The following TFPI variants were observed in gnomAD, a reference collection of about 807,000 sequenced individuals.
TFPI encodes the protein anti-convertin.
TFPI carries 15 observed loss-of-function variants against 34.6 expected under a neutral mutation model. The ratio of observed to expected loss-of-function variants is 0.43; its 90% confidence interval spans 0.29 to 0.67. The LOEUF is 0.67. TFPI is among the 30% of genes least tolerant of loss of function. The pLI, the probability that TFPI is intolerant of heterozygous loss-of-function variation, is 0.15. For missense variants in TFPI, 301 were observed against 364.0 expected (o/e 0.83, Z 1.41); for synonymous variants, 105 against 120.1 (o/e 0.87, Z 0.82).
At chr2:187,550,783 G>T (rs1689068474) in intron 1 of TFPI, among the ~76,000 whole-genome samples, 1 of 151,964 alleles carries the variant, frequency 6.6e-6, no homozygotes, top group Admixed American at 6.6e-5. Context: ...TTCCTAAATG[G>T]ACTTTAAAAT....
intron 6 of TFPI, among the ~76,000 whole-genome samples, chr2:187,469,580 T>G (rs1574359471): frequency 6.6e-6 from 1 of 152,150 alleles, no homozygotes; most frequent in African/African-American, 2.4e-5. Flanking sequence ...ACCCATCTTC[T>G]CACAGTTACA....
chr2:187,466,809 T>C lies in TFPI; in HGVS notation c.*127A>G. 1 of 525,816 alleles carries C rather than the reference T, an allele frequency of 1.9e-6. No individual in the cohort carries two copies. Among genetic ancestry groups the C allele is most frequent in the South Asian group, 2.5e-5 (1 of 39,578 alleles). The allele number at this position is 525,816 out of a possible 1,614,324, so 32.6% of individuals were successfully genotyped here. ...CTGATACAAACGTGTTGATAACAAG[T>C]ACAATAAGCATAGAAAATTTAATGA... is the stretch of plus-strand genomic sequence containing the variant. On this transcript the variant is annotated 3_prime_UTR_variant, in exon 8 of 8. Coordinates refer to ENST00000233156, the MANE Select transcript of TFPI (RefSeq NM_006287.6).
chr2:187,490,694 G>A (rs8176493), intron 3 of TFPI, among the ~76,000 whole-genome samples: 1,648 of 151,512 alleles, frequency 0.011, 27 homozygotes, highest in African/African-American at 0.038. Context: ...TTTAACTGGC[G>A]TGACTGGACC....
At chr2:187,492,044 G>T (rs1426879209) in intron 3 of TFPI, among the ~76,000 whole-genome samples, 1 of 151,880 alleles carries the variant, frequency 6.6e-6, no homozygotes, top group Non-Finnish European at 1.5e-5. Context: ...TTTTTAAATG[G>T]TTTGTTATTT....
chr2:187,523,152 T>A (rs1032143409), intron 1 of TFPI, among the ~76,000 whole-genome samples: 12 of 152,054 alleles, frequency 7.9e-5, no homozygotes, highest in Non-Finnish European at 1.2e-4. Flanking sequence ...TGATTATATC[T>A]CAATGAAGTT....
intron 2 of TFPI, among the ~76,000 whole-genome samples, chr2:187,498,704 TA>T (rs1171021212): frequency 3.9e-5 from 6 of 151,950 alleles, no homozygotes; most frequent in Non-Finnish European, 8.8e-5. Flanking sequence ...GTTAATTGAT[TA>T]TTTTTTTCAA....
intron 1 of TFPI, chr2:187,514,796 T>C (rs1195984002): frequency 1.3e-5 from 2 of 152,230 alleles, no homozygotes; most frequent in African/African-American, 4.8e-5. Flanking sequence ...AACTCTCACA[T>C]CTATTTAGAT....
At chr2:187,480,697 T>G (rs1480264130) in intron 6 of TFPI, among the ~76,000 whole-genome samples, 1 of 152,140 alleles carries the variant, frequency 6.6e-6, no homozygotes, top group African/African-American at 2.4e-5. Flanking sequence ...CACATTTATT[T>G]TAACTACATG....
chr2:187,507,659 T>C (rs1213711220), intron 1 of TFPI, among the ~76,000 whole-genome samples: 3 of 152,220 alleles, frequency 2.0e-5, no homozygotes, highest in African/African-American at 7.2e-5. Context: ...TTTGATGGGA[T>C]TGTTTTTTTC....
chr2:187,485,267 C>T (rs1333487286), intron 4 of TFPI, among the ~76,000 whole-genome samples: 1 of 151,614 alleles, frequency 6.6e-6, no homozygotes, highest in Non-Finnish European at 1.5e-5. Flanking sequence ...CCATGTACCA[C>T]TCTTGCTTTG....
intron 1 of TFPI, among the ~76,000 whole-genome samples, chr2:187,529,145 T>G (rs2106246837): frequency 6.6e-6 from 1 of 152,206 alleles, no homozygotes; most frequent in South Asian, 2.1e-4. Flanking sequence ...CTAGTCCAGG[T>G]TTGAAGTTTG....
At chr2:187,510,102 G>C (rs986527279) in intron 1 of TFPI, among the ~76,000 whole-genome samples, 5 of 152,118 alleles carry the variant, frequency 3.3e-5, no homozygotes, top group Non-Finnish European at 7.4e-5. Context: ...AGCTAACAGA[G>C]ACTAGACACA....
chr2:187,552,348 AC>A (rs1166961007), intron 1 of TFPI, among the ~76,000 whole-genome samples: 1 of 152,034 alleles, frequency 6.6e-6, no homozygotes, highest in Non-Finnish European at 1.5e-5. Context: ...CTGCCCACTT[AC>A]CTCTTGAATT....
intron 6 of TFPI, among the ~76,000 whole-genome samples, chr2:187,470,123 T>C (rs562569241): frequency 6.6e-6 from 1 of 152,274 alleles, no homozygotes; most frequent in East Asian, 1.9e-4. Context: ...AACTTCGAAA[T>C]AGATGTGTAT....
intron 2 of TFPI, among the ~76,000 whole-genome samples, chr2:187,497,731 C>T (rs973521784): frequency 1.3e-5 from 2 of 151,424 alleles, no homozygotes; most frequent in Admixed American, 1.3e-4. Context: ...ATATTTAACT[C>T]CTAATTTTCA....
chr2:187,504,566 GAA>G (rs71017396), intron 1 of TFPI, among the ~76,000 whole-genome samples: 17 of 123,882 alleles, frequency 1.4e-4, no homozygotes, highest in South Asian at 2.5e-4. Flanking sequence ...CGCCAAAAAG[GAA>G]AAAAAAAAAA....
Position 187,478,569 on chromosome 2 carries a change from A to T in TFPI, c.628+5555T>A, listed in dbSNP as rs1159159691. 5 of 1,394,410 alleles carry T rather than the reference A, an allele frequency of 3.6e-6. No homozygotes were observed. In the African/African-American group the frequency reaches 7.3e-5, roughly 20 times the overall value. 86.4% of individuals were successfully genotyped at this position (1,394,410 alleles called of 1,614,324 possible). On this transcript the variant is annotated intron_variant, in intron 6 of 7. Transcript: ENST00000233156. ...ACATTTACAAGTGAGGTGCAGTGAGAAGACTATGTTTACTATGCATGTAAA... is the reference window on the plus strand; with the variant it reads ...ACATTTACAAGTGAGGTGCAGTGAGTAGACTATGTTTACTATGCATGTAAA...
intron 1 of TFPI, among the ~76,000 whole-genome samples, chr2:187,513,464 G>A (rs1686785573): frequency 1.3e-5 from 2 of 152,122 alleles, no homozygotes; most frequent in Non-Finnish European, 2.9e-5. Flanking sequence ...AAGAAGCATT[G>A]TCTAATTTCT....
rs1322577461 is a variant in TFPI at position 187,484,844 on chromosome 2, G to T, written c.502C>A (p.Leu168Met). ...CLGNMNNFETLEECKNICEDG... is the reference protein window; with the variant it reads ...CLGNMNNFETMEECKNICEDG... ...TCACAAATGTTCTTGCATTCTTCCA[G>T]TGTCTCAAAATTGTTCATATTGCCC... The change falls in exon 5 of 8, where the codon CTG (leucine) becomes ATG (methionine). Residue 168 changes from leucine (L) to methionine (M), a missense_variant. By Grantham distance (15) the Leu-to-Met change is conservative. Transcript: ENST00000233156. The T allele has an allele frequency of 1.9e-6, 3 of 1,590,828 alleles. No individual in the cohort carries two copies. Among genetic ancestry groups the T allele is most frequent in the Non-Finnish European group, 2.6e-6 (3 of 1,171,914 alleles).
Sources: allele counts gnomAD v4.1 joint callset (sites outside exome capture counted in the v4.1 genomes callset), GRCh38; gene constraint gnomAD v4.1.1; transcripts MANE v1.5; gene names NCBI Gene and HGNC (gene_info 2026-07-23, HGNC 2026-07-21).